PRKCB: variants seen among roughly 807,000 people sequenced by gnomAD.
The protein encoded by PRKCB is protein kinase C beta type.
PRKCB carries 13 observed loss-of-function variants against 81.5 expected under a neutral mutation model. The observed-to-expected ratio is 0.16, with a 90% CI of 0.10 to 0.25. The LOEUF (loss-of-function observed/expected upper bound fraction) is 0.25. Ranked by LOEUF, PRKCB falls within the 10% of genes least tolerant of loss-of-function variation. The pLI is 1.00. For synonymous variants in PRKCB, 335 were observed against 321.4 expected (o/e 1.04, Z -0.45); for missense variants, 509 against 875.7 (o/e 0.58, Z 5.29).
intron 2 of PRKCB, among the ~76,000 whole-genome samples, chr16:23,898,067 A>AT (rs34425730): frequency 0.34 from 45,020 of 134,386 alleles, 9,033 homozygotes; most frequent in South Asian, 0.5. Context: ...TGCCCGGCTA[A>AT]TTTTTTTTTT....
At chr16:23,998,391 T>C (rs1225837192) in intron 3 of PRKCB, among the ~76,000 whole-genome samples, 1 of 152,182 alleles carries the variant, frequency 6.6e-6, no homozygotes, top group Admixed American at 6.5e-5. Flanking sequence ...CCCTGACTAA[T>C]ACATTGTGCC....
At chr16:24,041,921 T>G (rs1386227828) in intron 5 of PRKCB, among the ~76,000 whole-genome samples, 1 of 150,862 alleles carries the variant, frequency 6.6e-6, no homozygotes, top group African/African-American at 2.4e-5. Flanking sequence ...GAGGCAGAGG[T>G]TGCAGTGAGC....
chr16:24,026,196 G>A (rs1333852604), intron 3 of PRKCB, among the ~76,000 whole-genome samples: 2 of 152,326 alleles, frequency 1.3e-5, no homozygotes, highest in East Asian at 3.9e-4. Flanking sequence ...TCAGGAGGCT[G>A]AGGTGGAAGG....
At chr16:23,849,743 T>C (rs968561255) in intron 2 of PRKCB, among the ~76,000 whole-genome samples, 5 of 152,202 alleles carry the variant, frequency 3.3e-5, no homozygotes, top group African/African-American at 1.2e-4. Flanking sequence ...ATTGATGGGG[T>C]ACAATGTGAT....
chr16:23,869,149 T>C (rs1962860160), intron 2 of PRKCB: 1 of 453,770 alleles, frequency 2.2e-6, no homozygotes, highest in Non-Finnish European at 4.4e-6. Context: ...ATGTGGAGCA[T>C]TGGCCAATGG....
intron 3 of PRKCB, among the ~76,000 whole-genome samples, chr16:24,028,964 T>C (rs1005629143): frequency 6.6e-6 from 1 of 152,090 alleles, no homozygotes; most frequent in Non-Finnish European, 1.5e-5. Flanking sequence ...CTAATTTTTG[T>C]ATTTTTAATA....
intron 3 of PRKCB, among the ~76,000 whole-genome samples, chr16:23,990,669 G>A (rs1036034022): frequency 3.3e-5 from 5 of 151,554 alleles, no homozygotes; most frequent in Non-Finnish European, 7.4e-5. Flanking sequence ...CACCTCAGCC[G>A]CCCACGTAGC....
At chr16:24,159,080 G>T (rs924105470) in intron 10 of PRKCB, among the ~76,000 whole-genome samples, 1 of 152,080 alleles carries the variant, frequency 6.6e-6, no homozygotes, top group Non-Finnish European at 1.5e-5. Flanking sequence ...TCTAGCCATG[G>T]TCACCTCTCA....
At position 24,220,221 on chromosome 16, in the gene PRKCB, G is replaced by C; in HGVS notation, c.*5405G>C. On this transcript the variant is annotated 3_prime_UTR_variant, in exon 17 of 17. Coordinates refer to ENST00000643927, the MANE Select transcript of PRKCB (RefSeq NM_002738.7). ...CGGTGCACATGCTGGCATTCAACAT[G>C]TGGAAAGCTTGTCTTAGAGGGCTTT... 7.2e-7 allele frequency: 1 copy of C among 1,381,296 alleles called. No homozygotes were observed. Among genetic ancestry groups the C allele is most frequent in the Non-Finnish European group, 9.9e-7 (1 of 1,008,514 alleles). The allele number at this position is 1,381,296 out of a possible 1,614,324, so 85.6% of individuals were successfully genotyped here. A position where few individuals can be genotyped will look rare whatever the true frequency, so the allele number is the denominator to read the frequency against.
intron 3 of PRKCB, among the ~76,000 whole-genome samples, chr16:24,028,467 G>A (rs1965511420): frequency 6.6e-6 from 1 of 152,202 alleles, no homozygotes; most frequent in African/African-American, 2.4e-5. Flanking sequence ...AAACAAAAAA[G>A]TTGCTGCATC....
intron 15 of PRKCB, among the ~76,000 whole-genome samples, chr16:24,186,927 G>T (rs571461824): frequency 3.9e-5 from 6 of 152,182 alleles, no homozygotes; most frequent in Non-Finnish European, 5.9e-5. Flanking sequence ...TTTTCTTTGA[G>T]GGTGTGAGGC....
chr16:24,100,760 A>G (rs1316963023), intron 7 of PRKCB, among the ~76,000 whole-genome samples: 1 of 152,172 alleles, frequency 6.6e-6, no homozygotes, highest in Non-Finnish European at 1.5e-5. Context: ...TTTAATAAAC[A>G]CAGTGCCAGC....
chr16:24,193,064 A>G (rs1202740883), intron 16 of PRKCB, among the ~76,000 whole-genome samples: 1 of 151,990 alleles, frequency 6.6e-6, no homozygotes, highest in African/African-American at 2.4e-5. Context: ...GGCTCATGCG[A>G]TGCTCTCACC....
chr16:23,958,697 C>T (rs67351531), intron 2 of PRKCB, among the ~76,000 whole-genome samples: 21 of 18,582 alleles, frequency 1.1e-3, no homozygotes, highest in Non-Finnish European at 6.3e-3. Flanking sequence ...TTCTTCTTCT[C>T]CTCCTCCTCT....
At chr16:23,841,961 C>T (rs1301162912) in intron 2 of PRKCB, among the ~76,000 whole-genome samples, 1 of 152,024 alleles carries the variant, frequency 6.6e-6, no homozygotes, top group African/African-American at 2.4e-5. Context: ...TGGCCAAATA[C>T]ATATTTTTTA....
chr16:24,167,332 G>C (rs1230087228), intron 10 of PRKCB, among the ~76,000 whole-genome samples: 1 of 151,994 alleles, frequency 6.6e-6, no homozygotes. Context: ...GTATTGGTCT[G>C]AGAAATAAAA....
At chr16:24,139,761 G>A (rs1966881862) in intron 9 of PRKCB, among the ~76,000 whole-genome samples, 1 of 152,176 alleles carries the variant, frequency 6.6e-6, no homozygotes, top group Non-Finnish European at 1.5e-5. Flanking sequence ...TCTATAAAGA[G>A]ATTTTTAAAT....
At chr16:23,961,788 C>A (rs887861725) in intron 2 of PRKCB, among the ~76,000 whole-genome samples, 1 of 152,110 alleles carries the variant, frequency 6.6e-6, no homozygotes, top group African/African-American at 2.4e-5. Context: ...CAAAATGCTC[C>A]AATGAGCCTT....
chr16:24,185,561 C>G lies in PRKCB; in HGVS notation c.1716C>G (p.Cys572Trp). 1 of 1,612,090 alleles carries G rather than the reference C, an allele frequency of 6.2e-7. No individual in the cohort carries two copies. The highest frequency in any genetic ancestry group is 8.5e-7 in the Non-Finnish European group (1 of 1,178,120). Residue 572 changes from cysteine (C) to tryptophan (W), a missense_variant, in exon 15 of 17, where the codon TGC becomes TGG. Physicochemically the swap from Cys to Trp is radical, Grantham distance 215 (BLOSUM62 -2). Around this residue, in one of 6 missense-constraint regions of PRKCB, gnomAD observed 104 missense variants for 160.5 expected, o/e 0.65. Transcript: ENST00000643927. ...KSMSKEAVAICKGLMTKHPGK... is the reference protein window; with the variant it reads ...KSMSKEAVAIWKGLMTKHPGK... Reference sequence around the variant, plus strand: ...TGTCCAAGGAAGCTGTGGCCATCTGCAAAGGGGTAAGTGCATCTCTTAAAG... The same window carrying G: ...TGTCCAAGGAAGCTGTGGCCATCTGGAAAGGGGTAAGTGCATCTCTTAAAG...
Sources: gnomAD v4.1 joint callset for allele counts (sites outside exome capture counted in the v4.1 genomes callset) on GRCh38, gnomAD v4.1.1 for gene constraint, gnomAD v4.1.1 regional missense constraint, MANE v1.5 for transcripts, NCBI Gene and HGNC (gene_info 2026-07-23, HGNC 2026-07-21) for gene names.